Variants in EGLN1 observed in about 807,000 individuals in gnomAD.
EGLN1 encodes egl-9 family hypoxia inducible factor 1.
Under a neutral mutation model 38.3 loss-of-function variants are expected in EGLN1, and 17 were observed. The ratio of observed to expected loss-of-function variants is 0.44; its 90% CI spans 0.30 to 0.67. The LOEUF is 0.67. EGLN1 is among the 30% of genes least tolerant of loss of function. EGLN1 has a pLI of 0.08. For synonymous variants in EGLN1, 283 were observed against 257.5 expected, an observed-to-expected ratio of 1.10 and a Z score of -0.95; for missense variants, 477 against 603.3, an observed-to-expected ratio of 0.79 and a Z score of 2.19.
chr1:231,421,996 C>G lies in EGLN1; in HGVS notation c.-108G>C, dbSNP rs1656647992. The G allele has an allele frequency of 2.5e-6, 3 of 1,181,280 alleles. No homozygotes were observed. The highest frequency in any genetic ancestry group is 4.3e-5 in the Admixed American group (1 of 23,178). The allele number at this position is 1,181,280 out of a possible 1,614,324, so 73.2% of individuals were successfully genotyped here. A position where few individuals can be genotyped will look rare whatever the true frequency, so the allele number is the denominator to read the frequency against. On this transcript the variant is annotated 5_prime_UTR_variant, in exon 1 of 5. Transcript: ENST00000366641. The surrounding 1 kb of genome is among the most constrained non-coding windows in gnomAD (Gnocchi z 5.5). ...GCGGGGAGAGAGATAGGGGCCGTTA[C>G]TGCGCCATGCACCCGCTACCCTCGC...
intron 1 of EGLN1, among the ~76,000 whole-genome samples, chr1:231,381,930 C>CA (rs1392532103): frequency 1.7e-4 from 26 of 152,338 alleles, no homozygotes; most frequent in African/African-American, 6.3e-4. Flanking sequence ...GGATCCTGAG[C>CA]AGGTCTCAGC....
intron 3 of EGLN1, 51 bp from the exon 4 acceptor site, chr1:231,367,687 G>T: frequency 6.5e-7 from 1 of 1,550,018 alleles, no homozygotes; most frequent in Non-Finnish European, 8.9e-7. Context: ...CGGGGAAAAA[G>T]TGGTATTTTG....
intron 1 of EGLN1, among the ~76,000 whole-genome samples, chr1:231,412,598 C>T (rs762988473): frequency 1.1e-4 from 17 of 152,164 alleles, no homozygotes; most frequent in Middle Eastern, 3.2e-3. Context: ...TTCCTGAAGG[C>T]GGTTCCACTG....
chr1:231,385,255 A>AG (rs1321205942), intron 1 of EGLN1, among the ~76,000 whole-genome samples: 6 of 152,228 alleles, frequency 3.9e-5, no homozygotes, highest in Admixed American at 3.9e-4. Flanking sequence ...AGAGATCAGG[A>AG]GTTCAGTTTT....
chr1:231,388,859 T>G (rs991586100), intron 1 of EGLN1, among the ~76,000 whole-genome samples: 1 of 152,158 alleles, frequency 6.6e-6, no homozygotes, highest in Non-Finnish European at 1.5e-5. Context: ...TTCACCATGT[T>G]GGCCAGACTG....
intron 1 of EGLN1, among the ~76,000 whole-genome samples, chr1:231,395,930 G>A (rs546606574): frequency 2.6e-5 from 4 of 150,944 alleles, no homozygotes; most frequent in East Asian, 2.0e-4. Flanking sequence ...CCCTGCTTAC[G>A]TTTTCTCACA....
intron 2 of EGLN1, among the ~76,000 whole-genome samples, chr1:231,372,312 T>G (rs1467851535): frequency 3.9e-5 from 6 of 152,234 alleles, no homozygotes; most frequent in Non-Finnish European, 8.8e-5. Flanking sequence ...CCAGAACAAC[T>G]GACACACTAC....
At chr1:231,368,465 T>C (rs1687721201) in intron 3 of EGLN1, among the ~76,000 whole-genome samples, 1 of 149,068 alleles carries the variant, frequency 6.7e-6, no homozygotes, top group Non-Finnish European at 1.5e-5. Context: ...TTAAACTTTG[T>C]CTAAACTTCA....
chr1:231,420,970 C>A (rs368444185), intron 1 of EGLN1, 28 bp downstream of exon 1: 33 of 1,613,604 alleles, frequency 2.0e-5, no homozygotes, highest in African/African-American at 2.7e-5. Flanking sequence ...AAGGGCCTGT[C>A]CAGCACAAAC....
At chr1:231,368,350 A>C (rs1041591149) in intron 3 of EGLN1, among the ~76,000 whole-genome samples, 2 of 152,244 alleles carry the variant, frequency 1.3e-5, no homozygotes, top group Non-Finnish European at 2.9e-5. Context: ...TCACTACATT[A>C]TAGCAAAGAG....
chr1:231,376,047 T>C (rs973729550), intron 1 of EGLN1, among the ~76,000 whole-genome samples: 7 of 152,140 alleles, frequency 4.6e-5, no homozygotes, highest in African/African-American at 1.7e-4. Flanking sequence ...AAATACCTCT[T>C]GAACATCGAC....
chr1:231,415,821 T>C (rs906875288), intron 1 of EGLN1, among the ~76,000 whole-genome samples: 1 of 151,654 alleles, frequency 6.6e-6, no homozygotes, highest in Non-Finnish European at 1.5e-5. Context: ...CCAACCCAGA[T>C]CTAATGGCAG....
chr1:231,380,531 A>T (rs988835345), intron 1 of EGLN1, among the ~76,000 whole-genome samples: 5 of 152,110 alleles, frequency 3.3e-5, no homozygotes, highest in Admixed American at 3.3e-4. Context: ...AAATGCTATT[A>T]TAATAATATT....
At chr1:231,369,935 T>C (rs1687772712) in intron 3 of EGLN1, among the ~76,000 whole-genome samples, 1 of 152,190 alleles carries the variant, frequency 6.6e-6, no homozygotes, top group Non-Finnish European at 1.5e-5. Flanking sequence ...TCAGGATAAA[T>C]GGTTTTTAAA....
At chr1:231,383,843 G>A (rs1228495971) in intron 1 of EGLN1, among the ~76,000 whole-genome samples, 1 of 152,026 alleles carries the variant, frequency 6.6e-6, no homozygotes, top group African/African-American at 2.4e-5. Flanking sequence ...ATCAGGTATG[G>A]CATGAGGCCT....
Position 231,421,892 on chromosome 1 carries a change from G to T in EGLN1, c.-4C>A, listed in dbSNP as rs1242003939. ...GCCCGCCGCTGTCATTGGCCATGGC[G>T]GCGGCGGCGGCGGCGACGGCGACTG... On this transcript the variant is annotated 5_prime_UTR_variant, in exon 1 of 5. Transcript: ENST00000366641. This position sits in a 1 kb window ranked among gnomAD's most constrained non-coding sequence, Gnocchi z 5.5. 2.8e-6 allele frequency: 4 copies of T among 1,413,268 alleles called. No individual in the cohort carries two copies. Among genetic ancestry groups the T allele is most frequent in the African/African-American group, 1.5e-5 (1 of 66,050 alleles). 87.5% of individuals were successfully genotyped at this position (1,413,268 alleles called of 1,614,324 possible).
Position 231,422,266 on chromosome 1 carries a change from A to T in EGLN1, c.-378T>A, listed in dbSNP as rs1656663062. Reference sequence around the variant, plus strand: ...CCCAGGCTGTGGAGGAGCGCAGGGCATACGGGCGCCACTCGCTCTGCGCGC... The same window carrying T: ...CCCAGGCTGTGGAGGAGCGCAGGGCTTACGGGCGCCACTCGCTCTGCGCGC... On this transcript the variant is annotated 5_prime_UTR_variant, in exon 1 of 5. It removes an upstream start codon present in the reference 5' UTR. Transcript: ENST00000366641. 6.3e-6 allele frequency: 1 copy of T among 157,838 alleles called. No homozygotes were observed. Among genetic ancestry groups the T allele is most frequent in the South Asian group, 2.0e-4 (1 of 5,096 alleles). The allele number at this position is 157,838 out of a possible 1,614,324, so 9.8% of individuals were successfully genotyped here. A position where few individuals can be genotyped will look rare whatever the true frequency, so the allele number is the denominator to read the frequency against.
At chr1:231,393,171 G>GA (rs5781647) in intron 1 of EGLN1, among the ~76,000 whole-genome samples, 82,868 of 152,074 alleles carry the variant, frequency 0.54, 24,198 homozygotes, top group Non-Finnish European at 0.65. Context: ...AAGAAAAGCT[G>GA]AGAGATCAAG....
chr1:231,403,767 C>CAAAAAA (rs1167705317), intron 1 of EGLN1, among the ~76,000 whole-genome samples: 16 of 18,204 alleles, frequency 8.8e-4, no homozygotes, highest in Middle Eastern at 0.033. Flanking sequence ...GACTCCATCT[C>CAAAAAA]AAAAAAAAAA....
Sources: gnomAD v4.1 joint callset for allele counts (sites outside exome capture counted in the v4.1 genomes callset) on GRCh38, gnomAD v4.1.1 for gene constraint, Gnocchi (gnomAD v3.1) non-coding constraint, MANE v1.5 for transcripts, NCBI Gene and HGNC (gene_info 2026-07-23, HGNC 2026-07-21) for gene names.